Variants in CDIN1 observed in about 807,000 individuals in gnomAD.
The protein encoded by CDIN1 is CDAN1-interacting nuclease 1.
CDIN1 carries 33 observed loss-of-function variants against 45.3 expected under a neutral mutation model. The observed-to-expected ratio is 0.73, with a 90% CI of 0.55 to 0.97. CDIN1 has a LOEUF of 0.97. CDIN1 is among the 50% of genes least tolerant of loss of function. CDIN1 has a pLI of 0.00. For missense variants in CDIN1, 303 were observed against 339.4 expected, an observed-to-expected ratio of 0.89 and a Z score of 0.84; for synonymous variants, 118 against 124.4, an observed-to-expected ratio of 0.95 and a Z score of 0.34.
intron 7 of CDIN1, among the ~76,000 whole-genome samples, chr15:36,697,102 G>A (rs1393610461): frequency 6.6e-6 from 1 of 151,720 alleles, no homozygotes; most frequent in Non-Finnish European, 1.5e-5. Context: ...TCCAGCCTGG[G>A]CAACAGAGCA....
chr15:36,650,701 C>A (rs1037294767), intron 3 of CDIN1, among the ~76,000 whole-genome samples: 1 of 152,038 alleles, frequency 6.6e-6, no homozygotes, highest in Non-Finnish European at 1.5e-5. Flanking sequence ...CCTTGGCCTC[C>A]CAAAGTGCTG....
At chr15:36,802,457 A>G (rs757720603) in intron 10 of CDIN1, among the ~76,000 whole-genome samples, 11 of 152,206 alleles carry the variant, frequency 7.2e-5, no homozygotes, top group Non-Finnish European at 1.6e-4. Context: ...TAATTTAGCA[A>G]GATGATATCT....
At chr15:36,805,098 GT>G (rs1316543725) in intron 10 of CDIN1, among the ~76,000 whole-genome samples, 3 of 151,986 alleles carry the variant, frequency 2.0e-5, no homozygotes, top group African/African-American at 7.2e-5. Flanking sequence ...CGTATTTGTT[GT>G]TTTTGCTAAT....
At chr15:36,710,009 A>G in intron 10 of CDIN1, 48 bp downstream of exon 10, 7 of 1,350,232 alleles carry the variant, frequency 5.2e-6, no homozygotes, top group Non-Finnish European at 7.2e-6. Flanking sequence ...CTCAGCTGAA[A>G]TCTCATTAGA....
intron 5 of CDIN1, among the ~76,000 whole-genome samples, chr15:36,687,048 G>A: frequency 6.9e-6 from 1 of 144,340 alleles, no homozygotes; most frequent in African/African-American, 2.5e-5. Context: ...GGGAGGGAGG[G>A]ATGGAAGGAG....
intron 1 of CDIN1, chr15:36,641,548 G>A (rs2040107429): frequency 6.6e-6 from 1 of 152,130 alleles, no homozygotes; most frequent in African/African-American, 2.4e-5. Context: ...CCGTTTTGAT[G>A]GGGTTTTAAT....
At chr15:36,623,847 A>G (rs1339473069) in intron 1 of CDIN1, among the ~76,000 whole-genome samples, 2 of 152,166 alleles carry the variant, frequency 1.3e-5, no homozygotes, top group African/African-American at 4.8e-5. Flanking sequence ...TTGTTTTATG[A>G]TTTGGAGGCA....
rs556264858 is a variant in CDIN1, at chr15:36,784,206, C to T, written c.717-24118C>T. On this transcript the variant is annotated intron_variant, in intron 10 of 10. Coordinates refer to ENST00000566621, the MANE Select transcript of CDIN1 (RefSeq NM_001321759.2). ...CACTGTTATTAAAAATAACACTTAC[C>T]GGCTTACAGGAGAGATTTGAGATAA... Among the ~76,000 whole-genome samples, 48 of 152,000 alleles carry T rather than the reference C, an allele frequency of 3.2e-4. 1 individual carries two copies. The highest frequency in any genetic ancestry group is 2.4e-4 in the Non-Finnish European group (16 of 68,006).
chr15:36,614,237 T>C (rs7173597), intron 1 of CDIN1: 19,899 of 617,482 alleles, frequency 0.032, 1,072 homozygotes, highest in African/African-American at 0.13. Context: ...CTCCTCCCTC[T>C]GACCCTGACT....
chr15:36,696,498 CAA>C (rs893536177), intron 7 of CDIN1: 10 of 152,214 alleles, frequency 6.6e-5, no homozygotes, highest in Admixed American at 2.6e-4. Flanking sequence ...TCTTCTAGGG[CAA>C]AGACTGCCTA....
chr15:36,737,137 C>T (rs1448516911), intron 10 of CDIN1, among the ~76,000 whole-genome samples: 2 of 149,108 alleles, frequency 1.3e-5, no homozygotes, highest in Non-Finnish European at 3.0e-5. Context: ...CACTGCACTC[C>T]AGCCTAGGCA....
intron 5 of CDIN1, among the ~76,000 whole-genome samples, chr15:36,685,235 C>T (rs948321398): frequency 9.9e-5 from 15 of 151,540 alleles, no homozygotes; most frequent in Admixed American, 2.6e-4. Flanking sequence ...AAATTTCCCT[C>T]TACACACTGC....
intron 5 of CDIN1, among the ~76,000 whole-genome samples, chr15:36,686,730 G>A (rs2042065172): frequency 6.7e-6 from 1 of 148,592 alleles, no homozygotes; most frequent in African/African-American, 2.5e-5. Context: ...AAAAATACAA[G>A]AAAGAAAGAG....
chr15:36,605,986 C>G (rs1202904982), intron 1 of CDIN1, among the ~76,000 whole-genome samples: 1 of 152,010 alleles, frequency 6.6e-6, no homozygotes, highest in African/African-American at 2.4e-5. Flanking sequence ...TGACCTCTAG[C>G]TTATCACTTG....
intron 8 of CDIN1, chr15:36,704,498 ACTTACT>A (rs1214558952): frequency 6.6e-6 from 1 of 151,972 alleles, no homozygotes; most frequent in African/African-American, 2.4e-5. Flanking sequence ...AGGCTGTGAA[ACTTACT>A]CTTAGAGAAC....
chr15:36,695,455 C>A (rs1566907790), intron 7 of CDIN1, among the ~76,000 whole-genome samples: 1 of 152,178 alleles, frequency 6.6e-6, no homozygotes, highest in Non-Finnish European at 1.5e-5. Flanking sequence ...AAATACACAG[C>A]ACTTCCATGT....
At chr15:36,760,606 A>G (rs2053734177) in intron 10 of CDIN1, among the ~76,000 whole-genome samples, 1 of 152,198 alleles carries the variant, frequency 6.6e-6, no homozygotes, top group African/African-American at 2.4e-5. Flanking sequence ...TCTTCCACAG[A>G]AATTTTAAGT....
intron 1 of CDIN1, among the ~76,000 whole-genome samples, chr15:36,599,351 A>C (rs1217035404): frequency 6.6e-6 from 1 of 152,234 alleles, no homozygotes; most frequent in African/African-American, 2.4e-5. Flanking sequence ...TAGTATATGA[A>C]GCAATGGCTG....
At chr15:36,670,379 A>T (rs2041407537) in intron 5 of CDIN1, among the ~76,000 whole-genome samples, 1 of 152,112 alleles carries the variant, frequency 6.6e-6, no homozygotes, top group Admixed American at 6.6e-5. Context: ...TACTCTTGTT[A>T]ATAAAGAGGC....
Sources: gnomAD v4.1 joint callset for allele counts (sites outside exome capture counted in the v4.1 genomes callset) on GRCh38, gnomAD v4.1.1 for gene constraint, MANE v1.5 for transcripts, NCBI Gene and HGNC (gene_info 2026-07-23, HGNC 2026-07-21) for gene names.